SLC39A9: variants seen among roughly 807,000 people sequenced by gnomAD.
SLC39A9 encodes zinc transporter ZIP9.
SLC39A9 carries 14 observed loss-of-function variants against 28.4 expected under a neutral mutation model. The ratio of observed to expected loss-of-function variants is 0.49; its 90% CI spans 0.33 to 0.77. SLC39A9 has a LOEUF of 0.77. Ranked by LOEUF, SLC39A9 falls within the 30% of genes least tolerant of loss-of-function variation. The probability of loss-of-function intolerance (pLI) is 0.02; values close to 1 mark genes in which losing one functional copy is unlikely to be tolerated. For synonymous variants in SLC39A9, 119 were observed against 149.6 expected, an observed-to-expected ratio of 0.80 and a Z score of 1.49; for missense variants, 283 against 381.1, an observed-to-expected ratio of 0.74 and a Z score of 2.14.
chr14:69,413,757 G>GCTATGCT (rs1324228791), intron 1 of SLC39A9, among the ~76,000 whole-genome samples: 7 of 151,988 alleles, frequency 4.6e-5, no homozygotes, highest in Non-Finnish European at 8.8e-5. Flanking sequence ...TATGTATTAT[G>GCTATGCT]CTATGCAGTG....
Position 69,424,168 on chromosome 14 carries a change from A to G in SLC39A9, c.171A>G (p.Glu57=). Residue 57 remains glutamate, a synonymous_variant, in exon 2 of 7, where the codon GAA becomes GAG. Transcript: ENST00000336643. ...CGTALAVIVP[E]GVHALYEDIL... ...CTGCTCTGGCAGTCATCGTGCCTGA[A>G]GGAGTACATGCCCTTTATGAAGATA... 1.2e-6 allele frequency: 2 copies of G among 1,613,764 alleles called. No individual in the cohort carries two copies. Among genetic ancestry groups the G allele is most frequent in the Non-Finnish European group, 1.7e-6 (2 of 1,179,712 alleles).
intron 2 of SLC39A9, among the ~76,000 whole-genome samples, chr14:69,437,473 G>A (rs1884825376): frequency 6.6e-6 from 1 of 152,056 alleles, no homozygotes; most frequent in Non-Finnish European, 1.5e-5. Flanking sequence ...AGTTTTTGTT[G>A]TAATCAGTGG....
chr14:69,407,893 G>A (rs1050310054), intron 1 of SLC39A9, among the ~76,000 whole-genome samples: 1 of 152,056 alleles, frequency 6.6e-6, no homozygotes, highest in African/African-American at 2.4e-5. Context: ...GCCTCCCAAA[G>A]TGCTGGGATT....
intron 3 of SLC39A9, among the ~76,000 whole-genome samples, chr14:69,443,671 A>T (rs1885151985): frequency 6.6e-6 from 1 of 151,992 alleles, no homozygotes; most frequent in African/African-American, 2.4e-5. Context: ...GGAGTTTGAG[A>T]CCAGCCTGGG....
chr14:69,409,391 A>G (rs992472604), intron 1 of SLC39A9, among the ~76,000 whole-genome samples: 6 of 152,198 alleles, frequency 3.9e-5, no homozygotes, highest in African/African-American at 1.4e-4. Flanking sequence ...GCTAGAGTGC[A>G]GTGGCATGTT....
At chr14:69,437,913 A>C (rs1002641423) in intron 2 of SLC39A9, among the ~76,000 whole-genome samples, 4 of 152,080 alleles carry the variant, frequency 2.6e-5, no homozygotes, top group Non-Finnish European at 1.5e-5. Flanking sequence ...CCTTTCAGCT[A>C]AGCTGTCTCC....
chr14:69,426,445 G>T (rs906356228), intron 2 of SLC39A9, among the ~76,000 whole-genome samples: 3 of 152,228 alleles, frequency 2.0e-5, no homozygotes, highest in Admixed American at 6.5e-5. Context: ...GAAATACAAA[G>T]ACTAAGTAAG....
intron 1 of SLC39A9, among the ~76,000 whole-genome samples, chr14:69,412,831 G>T (rs915068661): frequency 1.3e-5 from 2 of 152,150 alleles, no homozygotes; most frequent in Non-Finnish European, 2.9e-5. Flanking sequence ...GTAAATAAAT[G>T]CACTTAATTT....
At chr14:69,404,611 GCTCCTCCCC>G (rs1176630994) in intron 1 of SLC39A9, among the ~76,000 whole-genome samples, 7 of 152,264 alleles carry the variant, frequency 4.6e-5, no homozygotes, top group South Asian at 2.1e-4. Flanking sequence ...ATAATGGGAA[GCTCCTCCCC>G]CTCCTCCCCT....
chr14:69,453,333 T>G (rs950322539), intron 4 of SLC39A9, 24 bp downstream of exon 4: 21 of 1,605,834 alleles, frequency 1.3e-5, no homozygotes, highest in Non-Finnish European at 1.6e-5. Context: ...GCAGTGGAAC[T>G]TCTTTGTTTT....
At chr14:69,421,100 T>C (rs1045842277) in intron 1 of SLC39A9, among the ~76,000 whole-genome samples, 3 of 152,254 alleles carry the variant, frequency 2.0e-5, no homozygotes, top group African/African-American at 7.2e-5. Context: ...TTTCAGCTTT[T>C]CTGCTCTGGT....
At chr14:69,456,177 A>G (rs1426092608) in intron 6 of SLC39A9, among the ~76,000 whole-genome samples, 2 of 152,234 alleles carry the variant, frequency 1.3e-5, no homozygotes, top group African/African-American at 4.8e-5. Context: ...CAGATATCTA[A>G]TAAGTCAAAT....
rs115263111 is a variant in SLC39A9 at position 69,412,865 on chromosome 14, A to G, written c.97-11229A>G. ...TTCAAAGTGAACTGAAAACAATACA[A>G]TAGTTTTACCTCACGCTGCCTTTCT... On this transcript the variant is annotated intron_variant, in intron 1 of 6. Coordinates refer to ENST00000336643, the MANE Select transcript of SLC39A9 (RefSeq NM_018375.5). 3.0e-3 allele frequency among the ~76,000 whole-genome samples: 450 copies of G among 152,308 alleles called. 3 individuals are homozygous for G. Among genetic ancestry groups the G allele is most frequent in the African/African-American group, 0.01 (436 of 41,566 alleles).
chr14:69,406,912 G>T (rs549671938), intron 1 of SLC39A9, among the ~76,000 whole-genome samples: 3 of 139,564 alleles, frequency 2.1e-5, no homozygotes, highest in Non-Finnish European at 3.1e-5. Context: ...GTGCAGTGGC[G>T]TGATCTCAGC....
chr14:69,452,925 A>G (rs1305085817), intron 3 of SLC39A9, among the ~76,000 whole-genome samples: 1 of 152,188 alleles, frequency 6.6e-6, no homozygotes, highest in Non-Finnish European at 1.5e-5. Context: ...AGTTGGGGCC[A>G]TTGGGGGTTA....
chr14:69,443,211 T>C (rs1885129808), intron 3 of SLC39A9, among the ~76,000 whole-genome samples: 1 of 152,244 alleles, frequency 6.6e-6, no homozygotes, highest in South Asian at 2.1e-4. Flanking sequence ...GATTGATGTG[T>C]AGACATATTT....
At chr14:69,430,421 GA>G (rs1188769255) in intron 2 of SLC39A9, among the ~76,000 whole-genome samples, 1 of 151,074 alleles carries the variant, frequency 6.6e-6, no homozygotes, top group African/African-American at 2.4e-5. Context: ...ACTATTTTTT[GA>G]AAAAAAATCC....
chr14:69,457,951 A>C (rs944104593), intron 6 of SLC39A9, among the ~76,000 whole-genome samples: 1 of 152,216 alleles, frequency 6.6e-6, no homozygotes, highest in African/African-American at 2.4e-5. Context: ...ACTGTGGTGA[A>C]TATAGTTTAA....
chr14:69,423,576 C>G (rs1270448695), intron 1 of SLC39A9, among the ~76,000 whole-genome samples: 1 of 152,056 alleles, frequency 6.6e-6, no homozygotes, highest in African/African-American at 2.4e-5. Flanking sequence ...GACATTTTCC[C>G]AAATCATTGT....
Sources: allele counts gnomAD v4.1 joint callset (sites outside exome capture counted in the v4.1 genomes callset), GRCh38; gene constraint gnomAD v4.1.1; transcripts MANE v1.5; gene names NCBI Gene and HGNC (gene_info 2026-07-23, HGNC 2026-07-21).